The following STAG1 variants were observed in gnomAD, a reference collection of about 807,000 sequenced individuals.
STAG1 encodes the protein STAG1 cohesin complex component, also known as cohesin subunit SA-1.
A neutral mutation model predicts 170.9 loss-of-function variants in STAG1; 26 were observed. That is an observed-to-expected ratio of 0.15 (90% CI 0.11 to 0.21). STAG1 has a LOEUF of 0.21. Ranked by LOEUF, STAG1 falls within the 10% of genes least tolerant of loss-of-function variation. STAG1 has a pLI of 1.00. For missense variants in STAG1, 964 were observed against 1,509.5 expected (o/e 0.64, Z 5.99); for synonymous variants, 514 against 497.7 (o/e 1.03, Z -0.44).
chr3:136,513,623 T>C (rs1178792509), intron 7 of STAG1, among the ~76,000 whole-genome samples: 6 of 152,006 alleles, frequency 3.9e-5, no homozygotes, highest in Admixed American at 6.6e-5. Context: ...AACAGCAACT[T>C]TGGAAACGAG....
At chr3:136,588,701 C>T (rs1052157180) in intron 4 of STAG1, among the ~76,000 whole-genome samples, 7 of 152,012 alleles carry the variant, frequency 4.6e-5, no homozygotes, top group African/African-American at 9.6e-5. Flanking sequence ...CATCTCAACT[C>T]ACCACAACCT....
chr3:136,436,220 T>C (rs1476139146), intron 15 of STAG1, among the ~76,000 whole-genome samples: 3 of 152,022 alleles, frequency 2.0e-5, no homozygotes, highest in Non-Finnish European at 4.4e-5. Flanking sequence ...CCTCTCAAAG[T>C]GCTGAGATTC....
chr3:136,584,455 T>C (rs1287046784), intron 4 of STAG1, among the ~76,000 whole-genome samples: 1 of 152,222 alleles, frequency 6.6e-6, no homozygotes, highest in Non-Finnish European at 1.5e-5. Flanking sequence ...TTCAAAAGAC[T>C]GATCAGCCTT....
intron 3 of STAG1, among the ~76,000 whole-genome samples, chr3:136,619,642 A>G (rs1461994602): frequency 6.6e-6 from 1 of 150,804 alleles, no homozygotes; most frequent in Non-Finnish European, 1.5e-5. Flanking sequence ...CTGTAATCCC[A>G]GCTACTTGGA....
chr3:136,405,791 C>CAAAAAAAAAAAAAAAAAA (rs34952291), intron 21 of STAG1, among the ~76,000 whole-genome samples: 1 of 50,080 alleles, frequency 2.0e-5, no homozygotes, highest in African/African-American at 8.9e-5. Context: ...ACTCTATCTC[C>CAAAAAAAAAAAAAAAAAA]AAAAAAAAAA....
At chr3:136,420,244 CAA>C (rs71157379) in intron 20 of STAG1, among the ~76,000 whole-genome samples, 3 of 36,938 alleles carry the variant, frequency 8.1e-5, no homozygotes, top group African/African-American at 1.1e-4. Context: ...GAGACTCTGT[CAA>C]AAAAAAAAAA....
intron 20 of STAG1, among the ~76,000 whole-genome samples, chr3:136,418,359 C>CAAAAAA: frequency 5.3e-5 from 1 of 18,782 alleles, no homozygotes; most frequent in African/African-American, 3.8e-4. Flanking sequence ...GACTCTGTCT[C>CAAAAAA]CAAAAAAAAA....
chr3:136,458,776 T>C (rs2089191321), intron 13 of STAG1, among the ~76,000 whole-genome samples: 1 of 151,966 alleles, frequency 6.6e-6, no homozygotes, highest in South Asian at 2.1e-4. Context: ...TATTATGCCG[T>C]AAGAAACTCA....
chr3:136,614,468 A>C (rs1390161123), intron 3 of STAG1, among the ~76,000 whole-genome samples: 1 of 152,218 alleles, frequency 6.6e-6, no homozygotes, highest in Non-Finnish European at 1.5e-5. Flanking sequence ...AGCAAACCTG[A>C]AATACCTGAA....
chr3:136,663,140 T>C (rs905881249), intron 1 of STAG1, among the ~76,000 whole-genome samples: 1 of 152,114 alleles, frequency 6.6e-6, no homozygotes, highest in African/African-American at 2.4e-5. Context: ...ACACAGCCTA[T>C]ACAAAAACTG....
intron 22 of STAG1, among the ~76,000 whole-genome samples, chr3:136,383,567 A>G (rs1938093827): frequency 6.6e-6 from 1 of 152,198 alleles, no homozygotes; most frequent in Admixed American, 6.5e-5. Context: ...CACACTTACT[A>G]CTTGCCAGGC....
chr3:136,408,570 G>T lies in STAG1; in HGVS notation c.2196+9315C>A, dbSNP rs147392861. Among the ~76,000 whole-genome samples, 280 of 152,244 alleles carry T rather than the reference G, an allele frequency of 1.8e-3. 1 individual carries two copies. Among genetic ancestry groups the T allele is most frequent in the Non-Finnish European group, 3.3e-3 (224 of 68,004 alleles). On this transcript the variant is annotated intron_variant, in intron 21 of 33. Coordinates refer to ENST00000383202, the MANE Select transcript of STAG1 (RefSeq NM_005862.3). ...AAGGGATTAAACTAAAGATATGGTAGTGGGGCTAAAAGAGTACGGCAAGAA... is the reference window on the plus strand; with the variant it reads ...AAGGGATTAAACTAAAGATATGGTATTGGGGCTAAAAGAGTACGGCAAGAA...
intron 4 of STAG1, among the ~76,000 whole-genome samples, chr3:136,597,768 C>T (rs1036346378): frequency 2.0e-5 from 3 of 151,738 alleles, no homozygotes; most frequent in African/African-American, 4.8e-5. Flanking sequence ...TTTGCATCTT[C>T]ATCTTCAATT....
At chr3:136,537,147 TAC>T (rs1935672380) in intron 6 of STAG1, among the ~76,000 whole-genome samples, 1 of 152,220 alleles carries the variant, frequency 6.6e-6, no homozygotes, top group Admixed American at 6.5e-5. Context: ...ATTTTCTGTT[TAC>T]CTTTCTCATC....
chr3:136,575,934 G>A (rs1356618862), intron 4 of STAG1, among the ~76,000 whole-genome samples: 1 of 152,036 alleles, frequency 6.6e-6, no homozygotes, highest in Non-Finnish European at 1.5e-5. Flanking sequence ...CTATGAAAAA[G>A]GAAAAATAAC....
chr3:136,534,641 A>G (rs1935537284), intron 6 of STAG1, among the ~76,000 whole-genome samples: 1 of 152,210 alleles, frequency 6.6e-6, no homozygotes, highest in African/African-American at 2.4e-5. Context: ...CAGGTATATG[A>G]AAAAGTGCTC....
At chr3:136,498,257 C>CACACACACACATATACAT (rs1933252072) in intron 9 of STAG1, among the ~76,000 whole-genome samples, 1 of 83,676 alleles carries the variant, frequency 1.2e-5, no homozygotes, top group African/African-American at 6.3e-5. Context: ...CATACACACA[C>CACACACACACATATACAT]ACACACACAC....
chr3:136,352,772 T>G (rs201905940), intron 28 of STAG1, among the ~76,000 whole-genome samples: 5 of 152,228 alleles, frequency 3.3e-5, no homozygotes, highest in Admixed American at 2.6e-4. Flanking sequence ...TGTTACATGA[T>G]ATTATCAAAC....
chr3:136,611,724 C>A (rs1288870904), intron 3 of STAG1, among the ~76,000 whole-genome samples: 1 of 139,136 alleles, frequency 7.2e-6, no homozygotes, highest in Non-Finnish European at 1.5e-5. Flanking sequence ...AGGCTGGTCT[C>A]GAACTCCTGA....
Sources: allele counts gnomAD v4.1 joint callset (sites outside exome capture counted in the v4.1 genomes callset), GRCh38; gene constraint gnomAD v4.1.1; transcripts MANE v1.5; gene names NCBI Gene and HGNC (gene_info 2026-07-23, HGNC 2026-07-21).